KIF13B: variants seen among roughly 807,000 people sequenced by gnomAD.
The protein encoded by KIF13B is kinesin-like protein KIF13B.
Under a neutral mutation model 222.0 loss-of-function variants are expected in KIF13B, and 127 were observed. The observed-to-expected ratio is 0.57, with a 90% CI of 0.50 to 0.66. The LOEUF (loss-of-function observed/expected upper bound fraction) is 0.66, where lower values mean the gene tolerates loss of function less well. Among genes scored for constraint, KIF13B ranks in the 30% least tolerant of loss-of-function variants. The pLI is 0.00. For missense variants in KIF13B, 2,173 were observed against 2,379.0 expected, an observed-to-expected ratio of 0.91 and a Z score of 1.80; for synonymous variants, 976 against 919.0, an observed-to-expected ratio of 1.06 and a Z score of -1.12.
At chr8:29,206,092 T>TA (rs543557223) in intron 2 of KIF13B, among the ~76,000 whole-genome samples, 77 of 148,630 alleles carry the variant, frequency 5.2e-4, no homozygotes, top group African/African-American at 1.3e-3. Flanking sequence ...CCCCACCTTT[T>TA]AAAAAAAAAA....
chr8:29,115,254 T>C (rs1345901875), intron 31 of KIF13B, among the ~76,000 whole-genome samples: 2 of 151,422 alleles, frequency 1.3e-5, no homozygotes, highest in African/African-American at 2.4e-5. Flanking sequence ...AAAAGGGAGA[T>C]AAGACAGTTA....
intron 8 of KIF13B, among the ~76,000 whole-genome samples, chr8:29,179,044 C>T (rs1186495731): frequency 1.3e-5 from 2 of 152,164 alleles, no homozygotes. Flanking sequence ...TTTTATAGTA[C>T]AATTGCCCCA....
intron 22 of KIF13B, among the ~76,000 whole-genome samples, chr8:29,133,247 T>C (rs1399198154): frequency 6.6e-6 from 1 of 152,178 alleles, no homozygotes; most frequent in African/African-American, 2.4e-5. Context: ...ATGACCTCTC[T>C]GATTTGTTTG....
At chr8:29,167,262 C>A in intron 11 of KIF13B, 111 bp downstream of exon 11, 1 of 798,426 alleles carries the variant, frequency 1.3e-6, no homozygotes, top group East Asian at 2.7e-5. Context: ...GTAAGAAATT[C>A]GCAAATTTTA....
intron 37 of KIF13B, among the ~76,000 whole-genome samples, chr8:29,077,305 G>A (rs958784509): frequency 3.9e-5 from 6 of 152,090 alleles, no homozygotes; most frequent in African/African-American, 7.2e-5. Flanking sequence ...CCCGCCTACC[G>A]CCATCTCCCA....
rs77648030 is a variant in KIF13B, at chr8:29,130,759, T to C, written c.2943-94A>G. On this transcript the variant is annotated intron_variant, in intron 23 of 39. Transcript: ENST00000524189. Reference sequence around the variant, plus strand: ...CACACATAAGAATTAACAATGAAAATGACCTCCAAACAGAGTAATTCAGAA... The same window carrying C: ...CACACATAAGAATTAACAATGAAAACGACCTCCAAACAGAGTAATTCAGAA... 1.2e-3 allele frequency: 1,393 copies of C among 1,141,778 alleles called. 11 individuals are homozygous for C. The African/African-American group carries it at 0.018, about 15-fold the overall frequency. 70.7% of individuals were successfully genotyped at this position (1,141,778 alleles called of 1,614,324 possible).
intron 2 of KIF13B, among the ~76,000 whole-genome samples, chr8:29,230,131 A>T (rs1815220195): frequency 6.6e-6 from 1 of 152,120 alleles, no homozygotes; most frequent in Non-Finnish European, 1.5e-5. Context: ...TCACAGTGTT[A>T]TCACCTCCAC....
At chr8:29,094,798 T>C (rs1383280034) in intron 36 of KIF13B, among the ~76,000 whole-genome samples, 1 of 151,982 alleles carries the variant, frequency 6.6e-6, no homozygotes, top group Non-Finnish European at 1.5e-5. Context: ...TCTTGACAAG[T>C]GCACAGACCA....
chr8:29,088,382 A>C (rs1808142110), intron 37 of KIF13B, among the ~76,000 whole-genome samples: 1 of 152,240 alleles, frequency 6.6e-6, no homozygotes, highest in South Asian at 2.1e-4. Context: ...AATATCTGCT[A>C]ATCTAAACAC....
At chr8:29,104,478 C>T (rs560609622) in intron 35 of KIF13B, among the ~76,000 whole-genome samples, 2 of 152,286 alleles carry the variant, frequency 1.3e-5, no homozygotes, top group African/African-American at 4.8e-5. Flanking sequence ...CCATTTTTCC[C>T]CACGTTTGCA....
rs770602771 is a variant in KIF13B, at chr8:29,181,923, T to C, written c.581A>G (p.Tyr194Cys). ...TCACATACAGGATGTTGTTACCTTG[T>C]AGCTTGTGACAGCCAGTTTAGAAAG... ...DGLSKLAVTS[Y>C]KDIESLMSEG... Residue 194 changes from tyrosine (Y) to cysteine (C), a missense_variant, in exon 7 of 40, where the codon TAC (tyrosine) becomes TGC (cysteine). Tyr to Cys is a radical substitution (Grantham distance 194, BLOSUM62 -2). Around this residue, in one of 2 missense-constraint regions of KIF13B, gnomAD observed 1,480 missense variants for 1,722.8 expected, o/e 0.86. Transcript: ENST00000524189. The C allele has an allele frequency of 3.1e-6, 5 of 1,611,750 alleles. No individual in the cohort carries two copies.
chr8:29,152,630 GAC>G (rs1811350154), intron 14 of KIF13B, among the ~76,000 whole-genome samples: 1 of 151,914 alleles, frequency 6.6e-6, no homozygotes, highest in Non-Finnish European at 1.5e-5. Flanking sequence ...TTTTTTTTGA[GAC>G]ACAGTCTTGC....
intron 36 of KIF13B, among the ~76,000 whole-genome samples, chr8:29,094,405 A>G (rs551262831): frequency 6.6e-6 from 1 of 152,376 alleles, no homozygotes; most frequent in African/African-American, 2.4e-5. Context: ...TTTCTCACCA[A>G]TAAAAAATAA....
chr8:29,103,505 A>T (rs1041366702), intron 35 of KIF13B, among the ~76,000 whole-genome samples: 1 of 152,132 alleles, frequency 6.6e-6, no homozygotes, highest in Admixed American at 6.5e-5. Flanking sequence ...TAGAAACACT[A>T]CTTCCATCAG....
At chr8:29,223,102 G>C (rs915577745) in intron 2 of KIF13B, among the ~76,000 whole-genome samples, 6 of 149,904 alleles carry the variant, frequency 4.0e-5, no homozygotes, top group African/African-American at 1.5e-4. Context: ...AGGATCGCTT[G>C]AGCTCAGGAG....
At chr8:29,185,681 T>C (rs751528919) in intron 6 of KIF13B, among the ~76,000 whole-genome samples, 24 of 152,254 alleles carry the variant, frequency 1.6e-4, no homozygotes, top group Middle Eastern at 3.2e-3. Flanking sequence ...TGTCCTCCTG[T>C]TGTCCTGCAA....
chr8:29,169,107 G>C (rs1380530773), intron 10 of KIF13B, among the ~76,000 whole-genome samples: 1 of 152,158 alleles, frequency 6.6e-6, no homozygotes, highest in Non-Finnish European at 1.5e-5. Flanking sequence ...ATGGAAAACT[G>C]CTTTTGAAAA....
At chr8:29,202,118 G>A (rs1369796056) in intron 2 of KIF13B, among the ~76,000 whole-genome samples, 3 of 152,122 alleles carry the variant, frequency 2.0e-5, no homozygotes, top group East Asian at 1.9e-4. Context: ...TTCAGGAGGC[G>A]GGGGGATTTG....
intron 13 of KIF13B, among the ~76,000 whole-genome samples, chr8:29,157,121 A>T (rs183802031): frequency 6.9e-4 from 105 of 151,968 alleles, no homozygotes; most frequent in African/African-American, 2.5e-3. Flanking sequence ...TAAGCTTGTG[A>T]TCCCCACCTC....
Sources: gnomAD v4.1 joint callset for allele counts (sites outside exome capture counted in the v4.1 genomes callset) on GRCh38, gnomAD v4.1.1 for gene constraint, gnomAD v4.1.1 regional missense constraint, MANE v1.5 for transcripts, NCBI Gene and HGNC (gene_info 2026-07-23, HGNC 2026-07-21) for gene names.